TRIM24: variants seen among roughly 807,000 people sequenced by gnomAD.
The protein encoded by TRIM24 is tripartite motif containing 24, also known as transcription intermediary factor 1-alpha.
TRIM24 carries 29 observed loss-of-function variants against 123.9 expected under a neutral mutation model. The observed-to-expected ratio is 0.23, with a 90% confidence interval of 0.17 to 0.32. The LOEUF (loss-of-function observed/expected upper bound fraction) is 0.32, where lower values mean the gene tolerates loss of function less well. Among genes scored for constraint, TRIM24 ranks in the 10% least tolerant of loss-of-function variants. The pLI, the probability that TRIM24 is intolerant of heterozygous loss-of-function variation, is 1.00. For synonymous variants in TRIM24, 456 were observed against 461.1 expected, an observed-to-expected ratio of 0.99 and a Z score of 0.14; for missense variants, 932 against 1,295.3, an observed-to-expected ratio of 0.72 and a Z score of 4.31.
intron 17 of TRIM24, 24 bp downstream of exon 17, chr7:138,581,795 C>T: frequency 6.4e-7 from 1 of 1,557,152 alleles, no homozygotes; most frequent in South Asian, 1.1e-5. Context: ...TCATTTTCTG[C>T]ATGTTTACAC....
intron 6 of TRIM24, among the ~76,000 whole-genome samples, chr7:138,536,992 G>A (rs1190742154): frequency 2.0e-5 from 3 of 152,196 alleles, no homozygotes; most frequent in East Asian, 1.9e-4. Context: ...GCGAGGCTCC[G>A]TGGGTATGGG....
intron 1 of TRIM24, among the ~76,000 whole-genome samples, chr7:138,469,511 C>T (rs117566089): frequency 6.6e-6 from 1 of 152,084 alleles, no homozygotes; most frequent in East Asian, 1.9e-4. Context: ...GGATTTTACC[C>T]TGTTGGCCTT....
intron 1 of TRIM24, among the ~76,000 whole-genome samples, chr7:138,481,771 C>T (rs1311501425): frequency 6.6e-6 from 1 of 151,998 alleles, no homozygotes; most frequent in Non-Finnish European, 1.5e-5. Flanking sequence ...CTTCATCATA[C>T]CACAGCACTC....
chr7:138,538,924 A>T, intron 7 of TRIM24, 121 bp downstream of exon 7: 1 of 893,172 alleles, frequency 1.1e-6, no homozygotes, highest in Middle Eastern at 2.7e-4. Flanking sequence ...TCTAATATCT[A>T]TCAAAATATT....
chr7:138,496,789 C>T (rs1273129840), intron 1 of TRIM24, among the ~76,000 whole-genome samples: 1 of 152,034 alleles, frequency 6.6e-6, no homozygotes, highest in East Asian at 1.9e-4. Flanking sequence ...GCATGAGCCT[C>T]TGTGCCCAGC....
intron 2 of TRIM24, among the ~76,000 whole-genome samples, chr7:138,508,284 G>A (rs1267498906): frequency 2.0e-5 from 3 of 152,080 alleles, no homozygotes; most frequent in African/African-American, 4.8e-5. Context: ...AAAATGTAGT[G>A]GCTTGTTTAG....
At chr7:138,555,351 C>T (rs2116637368) in intron 9 of TRIM24, among the ~76,000 whole-genome samples, 2 of 152,298 alleles carry the variant, frequency 1.3e-5, no homozygotes, top group East Asian at 3.9e-4. Flanking sequence ...CAGTAAACCA[C>T]ATTGCATCTT....
At chr7:138,509,910 A>G (rs533925349) in intron 2 of TRIM24, among the ~76,000 whole-genome samples, 1 of 152,328 alleles carries the variant, frequency 6.6e-6, no homozygotes, top group East Asian at 1.9e-4. Flanking sequence ...ACACCTGAGA[A>G]GGAAGTGCAT....
At chr7:138,564,934 C>T (rs540724966) in intron 9 of TRIM24, among the ~76,000 whole-genome samples, 24 of 152,166 alleles carry the variant, frequency 1.6e-4, no homozygotes, top group African/African-American at 4.3e-4. Context: ...ACTTTCACTT[C>T]GGACCGATTA....
chr7:138,546,639 C>T (rs1408880245), intron 7 of TRIM24, among the ~76,000 whole-genome samples: 3 of 152,058 alleles, frequency 2.0e-5, no homozygotes. Context: ...GTTGGGTGGG[C>T]ACTGGAGCAA....
intron 7 of TRIM24, among the ~76,000 whole-genome samples, chr7:138,550,578 T>G (rs114313384): frequency 0.013 from 1,985 of 152,084 alleles, 36 homozygotes; most frequent in African/African-American, 0.045. Flanking sequence ...TGATATGAGA[T>G]TCAAAGCTGG....
At chr7:138,517,943 C>G (rs887843038) in intron 3 of TRIM24, among the ~76,000 whole-genome samples, 6 of 152,112 alleles carry the variant, frequency 3.9e-5, no homozygotes, top group African/African-American at 1.4e-4. Context: ...AGTTAATAGC[C>G]ACTCTACACT....
intron 9 of TRIM24, among the ~76,000 whole-genome samples, chr7:138,562,646 G>A (rs1442163385): frequency 6.6e-6 from 1 of 152,174 alleles, no homozygotes; most frequent in African/African-American, 2.4e-5. Context: ...GTTGCCCCTG[G>A]TTTTAGCTCT....
At chr7:138,481,844 T>A (rs1214012964) in intron 1 of TRIM24, among the ~76,000 whole-genome samples, 2 of 152,156 alleles carry the variant, frequency 1.3e-5, no homozygotes, top group East Asian at 3.8e-4. Context: ...ATATTTTATT[T>A]TAAAAGCTCT....
chr7:138,490,590 G>T, intron 1 of TRIM24: 1 of 246,306 alleles, frequency 4.1e-6, no homozygotes, highest in Non-Finnish European at 7.9e-6. Context: ...CAGATTATTG[G>T]ACTGTGGTTC....
intron 17 of TRIM24, among the ~76,000 whole-genome samples, chr7:138,583,418 G>C (rs1797945042): frequency 6.6e-6 from 1 of 152,132 alleles, no homozygotes; most frequent in Non-Finnish European, 1.5e-5. Context: ...CCAGGAGTTT[G>C]AGACCAGCCT....
At chr7:138,470,218 C>A (rs754806649) in intron 1 of TRIM24, among the ~76,000 whole-genome samples, 20 of 146,304 alleles carry the variant, frequency 1.4e-4, no homozygotes, top group Non-Finnish European at 2.8e-4. Flanking sequence ...GCAACCTCTG[C>A]CTCCTGGGTT....
intron 6 of TRIM24, among the ~76,000 whole-genome samples, chr7:138,536,027 A>G (rs1796864472): frequency 6.6e-6 from 1 of 152,104 alleles, no homozygotes; most frequent in Admixed American, 6.5e-5. Flanking sequence ...AAGCTTGTGC[A>G]TTCGTCACGT....
At position 138,579,226 on chromosome 7, in the gene TRIM24, T is replaced by C; in HGVS notation, c.2279T>C (p.Leu760Pro). The change falls in exon 15 of 19, where the codon CTC (leucine) becomes CCC (proline). Residue 760 changes from leucine to proline, a missense_variant. Coordinates refer to ENST00000343526, the MANE Select transcript of TRIM24 (RefSeq NM_015905.3). ...PQNANYPRSI[L>P]TSLLLNSSQS... ...CAGGCCAATTATCCAAGAAGCATAC[T>C]CACCTCCCTGCTCTTAAATAGCAGT... 4 of 1,590,978 alleles carry C rather than the reference T, an allele frequency of 2.5e-6. No homozygotes were observed. The highest frequency in any genetic ancestry group is 3.4e-6 in the Non-Finnish European group (4 of 1,169,046).
Sources: allele counts gnomAD v4.1 joint callset (sites outside exome capture counted in the v4.1 genomes callset), GRCh38; gene constraint gnomAD v4.1.1; transcripts MANE v1.5; gene names NCBI Gene and HGNC (gene_info 2026-07-23, HGNC 2026-07-21).